Variants in ABHD2 observed in about 807,000 individuals in gnomAD.
The protein encoded by ABHD2 is monoacylglycerol lipase ABHD2.
ABHD2 carries 20 observed loss-of-function variants against 48.1 expected under a neutral mutation model. That is an observed-to-expected ratio of 0.42 (90% CI 0.29 to 0.60). The LOEUF is 0.60. Among genes scored for constraint, ABHD2 ranks in the 20% least tolerant of loss-of-function variants. ABHD2 has a pLI of 0.24. For synonymous variants in ABHD2, 209 were observed against 214.2 expected, an observed-to-expected ratio of 0.98 and a Z score of 0.21; for missense variants, 405 against 550.9, an observed-to-expected ratio of 0.74 and a Z score of 2.65.
rs2049746653 is a variant in ABHD2, at chr15:89,104,204, G to A, written c.-106-9521G>A. ...CAGGGTCTGGTGGCCGAGCCCTGAGGGGCGCTGTTGCTCCCAGGTGGCAGA... is the reference window on the plus strand; with the variant it reads ...CAGGGTCTGGTGGCCGAGCCCTGAGAGGCGCTGTTGCTCCCAGGTGGCAGA... On this transcript the variant is annotated intron_variant, in intron 1 of 10. Coordinates refer to ENST00000352732, the MANE Select transcript of ABHD2 (RefSeq NM_152924.5). This position sits in a 1 kb window ranked among gnomAD's most constrained non-coding sequence, Gnocchi z 4.4. 1 of 152,260 alleles carries A rather than the reference G, an allele frequency of 6.6e-6. No homozygotes were observed. The highest frequency in any genetic ancestry group is 2.4e-5 in the African/African-American group (1 of 41,450). The allele number at this position is 152,260 out of a possible 1,614,324, so 9.4% of individuals were successfully genotyped here.
intron 3 of ABHD2, among the ~76,000 whole-genome samples, chr15:89,134,461 A>G (rs1468172028): frequency 6.6e-6 from 1 of 152,110 alleles, no homozygotes. Flanking sequence ...GTATTTAGGC[A>G]TATTTCCAGT....
Position 89,185,374 on chromosome 15 carries a change from C to A in ABHD2, c.723-50C>A. On this transcript the variant is annotated intron_variant, in intron 6 of 10. Coordinates refer to ENST00000352732, the MANE Select transcript of ABHD2 (RefSeq NM_152924.5). The surrounding 1 kb of genome is among the most constrained non-coding windows in gnomAD (Gnocchi z 5.9). ...TGGCTAGAGCCCCCTCCTGGCTGCC[C>A]GCCTGCACCCCCACACCGCAGTCAC... is the stretch of plus-strand genomic sequence containing the variant. 5 of 1,529,822 alleles carry A rather than the reference C, an allele frequency of 3.3e-6. No homozygotes were observed. The highest frequency in any genetic ancestry group is 4.5e-6 in the Non-Finnish European group (5 of 1,106,200). The allele number at this position is 1,529,822 out of a possible 1,614,324, so 94.8% of individuals were successfully genotyped here. A position where few individuals can be genotyped will look rare whatever the true frequency, so the allele number is the denominator to read the frequency against.
At chr15:89,075,062 C>T in the ABHD2 span, among the ~76,000 whole-genome samples, 1 of 152,150 alleles carries the variant, frequency 6.6e-6, no homozygotes, top group South Asian at 2.1e-4. The surrounding 1 kb of genome is among the most constrained non-coding windows in gnomAD (Gnocchi z 4.1). Context: ...GGCCTTTTCT[C>T]GGTAATTCTT....
upstream of ABHD2, among the ~76,000 whole-genome samples, chr15:89,086,329 T>A (rs1046568774): frequency 1.1e-4 from 16 of 152,324 alleles, no homozygotes; most frequent in Admixed American, 1.0e-3. Context: ...GCCCAGCCTA[T>A]TTTTTAAATT....
At chr15:89,144,689 G>A (rs185212117) in intron 3 of ABHD2, among the ~76,000 whole-genome samples, 26 of 152,254 alleles carry the variant, frequency 1.7e-4, no homozygotes, top group African/African-American at 5.1e-4. Context: ...AATGGGAGAC[G>A]GAGAAAATGG....
At position 89,155,846 on chromosome 15, in the gene ABHD2, G is replaced by A. The variant is rs1411712045; in HGVS notation, c.538+312G>A. On this transcript the variant is annotated intron_variant, in intron 5 of 10. Transcript: ENST00000352732. The surrounding 1 kb of genome is among the most constrained non-coding windows in gnomAD (Gnocchi z 4.9). ...GGAGCCAGGTAGATCGGGTAGCAGA[G>A]CTCATGACCTTCAGGACTGTGCTGT... Among the ~76,000 whole-genome samples the A allele has an allele frequency of 2.0e-5, 3 of 152,106 alleles. 1 individual carries two copies. The highest frequency in any genetic ancestry group is 4.4e-5 in the Non-Finnish European group (3 of 68,016).
intron 5 of ABHD2, among the ~76,000 whole-genome samples, chr15:89,157,798 G>A (rs529789820): frequency 2.0e-5 from 3 of 151,770 alleles, no homozygotes; most frequent in East Asian, 1.9e-4. Flanking sequence ...AGCTGAGATC[G>A]CGCCACTGCA....
the ABHD2 span, among the ~76,000 whole-genome samples, chr15:89,081,216 C>T: frequency 1.4e-5 from 2 of 139,310 alleles, no homozygotes; most frequent in African/African-American, 5.4e-5. Flanking sequence ...GACAGGATCT[C>T]ACTGTATTGC....
chr15:89,123,727 G>A lies in ABHD2; in HGVS notation c.194+7206G>A, dbSNP rs147002649. ...ATCCTCCCATCTCAGCCTCACAAGT[G>A]TCTGGAACCAAAGGTCCACACCACC... On this transcript the variant is annotated intron_variant, in intron 3 of 10. Transcript: ENST00000352732. Among the ~76,000 whole-genome samples, 169 of 150,238 alleles carry A rather than the reference G, an allele frequency of 1.1e-3. 2 individuals carry two copies. Among genetic ancestry groups the A allele is most frequent in the African/African-American group, 3.8e-3 (154 of 40,928 alleles).
chr15:89,188,349 A>C lies in ABHD2; in HGVS notation c.926+46A>C. The stretch of plus-strand genomic sequence containing the variant: ...GAGGGACGCTCTGGGGCAGGGTGCC[A>C]GGCAGGAGGCTGCAGGTCAGCTGTG... On this transcript the variant is annotated intron_variant, in intron 8 of 10. Transcript: ENST00000352732. This position sits in a 1 kb window ranked among gnomAD's most constrained non-coding sequence, Gnocchi z 4.1. The C allele has an allele frequency of 1.3e-6, 2 of 1,556,406 alleles. No individual in the cohort carries two copies. Among genetic ancestry groups the C allele is most frequent in the East Asian group, 2.2e-5 (1 of 44,564 alleles).
In ABHD2 at chr15:89,197,966, A is replaced by T. The variant is rs2051432041; in HGVS notation, c.*2543A>T. 1 of 152,202 alleles carries T rather than the reference A, an allele frequency of 6.6e-6. No individual in the cohort carries two copies. Among genetic ancestry groups the T allele is most frequent in the African/African-American group, 2.4e-5 (1 of 41,456 alleles). The allele number at this position is 152,202 out of a possible 1,614,324, so 9.4% of individuals were successfully genotyped here. The stretch of plus-strand genomic sequence containing the variant: ...GTGACTGTGGCTGTCTTACAGGAAA[A>T]TTCTTGTTTGTCCCTGAATGAGAGC... On this transcript the variant is annotated 3_prime_UTR_variant, in exon 11 of 11. Coordinates refer to ENST00000352732, the MANE Select transcript of ABHD2 (RefSeq NM_152924.5). The surrounding 1 kb of genome is among the most constrained non-coding windows in gnomAD (Gnocchi z 4.4).
chr15:89,183,190 A>T (rs1380392643), intron 6 of ABHD2: 1 of 150,984 alleles, frequency 6.6e-6, no homozygotes, highest in Non-Finnish European at 1.5e-5. Context: ...TGTCTCATGG[A>T]AGTGCTGTTT....
chr15:89,157,868 A>G (rs944019910), intron 5 of ABHD2, among the ~76,000 whole-genome samples: 1 of 151,972 alleles, frequency 6.6e-6, no homozygotes, highest in Non-Finnish European at 1.5e-5. Flanking sequence ...ATAAATAAAT[A>G]GGTGAATGTC....
At position 89,198,276 on chromosome 15, in the gene ABHD2, C is replaced by A. The variant is rs890602183; in HGVS notation, c.*2853C>A. ...ATTGCAGGAATAATATGTTAAAAAC[C>A]AATGGGGAGAAGCACCCACATCTCT... On this transcript the variant is annotated 3_prime_UTR_variant, in exon 11 of 11. Transcript: ENST00000352732. The surrounding 1 kb of genome is among the most constrained non-coding windows in gnomAD (Gnocchi z 5.1). 1 of 152,108 alleles carries A rather than the reference C, an allele frequency of 6.6e-6. No individual in the cohort carries two copies. The highest frequency in any genetic ancestry group is 1.5e-5 in the Non-Finnish European group (1 of 68,016). 9.4% of individuals were successfully genotyped at this position (152,108 alleles called of 1,614,324 possible).
chr15:89,128,194 A>G (rs2050166069), intron 3 of ABHD2, among the ~76,000 whole-genome samples: 1 of 152,238 alleles, frequency 6.6e-6, no homozygotes, highest in South Asian at 2.1e-4. Context: ...AAGAGGGGAT[A>G]TTCCTGTGGT....
At chr15:89,066,887 C>T in the ABHD2 span, among the ~76,000 whole-genome samples, 1 of 152,230 alleles carries the variant, frequency 6.6e-6, no homozygotes, top group African/African-American at 2.4e-5. Context: ...GTTAGTCGTC[C>T]TTTCTCCAGA....
chr15:89,180,024 G>T (rs1596151589), intron 6 of ABHD2, among the ~76,000 whole-genome samples: 1 of 152,220 alleles, frequency 6.6e-6, no homozygotes, highest in South Asian at 2.1e-4. Flanking sequence ...TATTCATAAA[G>T]TTTCCCCAGA....
In ABHD2 at chr15:89,146,417, G is replaced by C. The variant is rs994305639; in HGVS notation, c.195-5260G>C. On this transcript the variant is annotated intron_variant, in intron 3 of 10. Coordinates refer to ENST00000352732, the MANE Select transcript of ABHD2 (RefSeq NM_152924.5). The surrounding 1 kb of genome is among the most constrained non-coding windows in gnomAD (Gnocchi z 4.2). ...GTGTGTGTACGTATGTATATGGGGGGTGGGAGGGAGATCCAGACCCTTGTG... is the reference window on the plus strand; with the variant it reads ...GTGTGTGTACGTATGTATATGGGGGCTGGGAGGGAGATCCAGACCCTTGTG... 6.8e-6 allele frequency among the ~76,000 whole-genome samples: 1 copy of C among 146,250 alleles called. No individual in the cohort carries two copies. Among genetic ancestry groups the C allele is most frequent in the South Asian group, 2.3e-4 (1 of 4,398 alleles).
At chr15:89,159,019 G>A (rs183312304) in intron 5 of ABHD2, among the ~76,000 whole-genome samples, 65 of 152,084 alleles carry the variant, frequency 4.3e-4, no homozygotes, top group East Asian at 3.1e-3. Context: ...GAGATTAACC[G>A]TGCTGTTTGT....
Sources: gnomAD v4.1 joint callset for allele counts (sites outside exome capture counted in the v4.1 genomes callset) on GRCh38, gnomAD v4.1.1 for gene constraint, Gnocchi (gnomAD v3.1) non-coding constraint, MANE v1.5 for transcripts, NCBI Gene and HGNC (gene_info 2026-07-23, HGNC 2026-07-21) for gene names.